Variants in ZFAND5 observed in about 807,000 individuals in gnomAD.
The protein encoded by ZFAND5 is AN1-type zinc finger protein 5.
Under a neutral mutation model 23.6 loss-of-function variants are expected in ZFAND5, and 4 were observed. The ratio of observed to expected loss-of-function variants is 0.17; its 90% confidence interval spans 0.08 to 0.39. The LOEUF (loss-of-function observed/expected upper bound fraction) is 0.39. Among genes scored for constraint, ZFAND5 ranks in the 10% least tolerant of loss-of-function variants. The probability of loss-of-function intolerance (pLI) is 1.00; values close to 1 mark genes in which losing one functional copy is unlikely to be tolerated. For missense variants in ZFAND5, 161 were observed against 253.7 expected, an observed-to-expected ratio of 0.63 and a Z score of 2.48; for synonymous variants, 68 against 80.6, an observed-to-expected ratio of 0.84 and a Z score of 0.84.
In ZFAND5 at chr9:72,364,501, T is replaced by G. The variant is rs1273961683; in HGVS notation, c.-147+195A>C. Reference sequence around the variant, plus strand: ...AGCCAGGGACGCCGGGAGCCAGGTCTCGGGCCACGACGACAGGATGACGCC... The same window carrying G: ...AGCCAGGGACGCCGGGAGCCAGGTCGCGGGCCACGACGACAGGATGACGCC... On this transcript the variant is annotated intron_variant, in intron 1 of 6. Coordinates refer to ENST00000376962, the MANE Select transcript of ZFAND5 (RefSeq NM_001102420.3). The G allele has an allele frequency of 5.5e-6, 7 of 1,281,468 alleles. No homozygotes were observed. In the Admixed American group the frequency reaches 1.2e-4, roughly 21 times the overall value. The allele number at this position is 1,281,468 out of a possible 1,614,324, so 79.4% of individuals were successfully genotyped here.
Position 72,353,568 on chromosome 9 carries a change from G to A in ZFAND5, c.*2385C>T, listed in dbSNP as rs1841842280. The stretch of plus-strand genomic sequence containing the variant: ...TGGTGCCTGTGATCCCAGCTACTTA[G>A]GAGGCAGAGGCAGGAGAATCACTTG... On this transcript the variant is annotated 3_prime_UTR_variant, in exon 7 of 7. Coordinates refer to ENST00000376962, the MANE Select transcript of ZFAND5 (RefSeq NM_001102420.3). 6.6e-6 allele frequency: 1 copy of A among 152,246 alleles called. No homozygotes were observed. Among genetic ancestry groups the A allele is most frequent in the Non-Finnish European group, 1.5e-5 (1 of 68,116 alleles). The allele number at this position is 152,246 out of a possible 1,614,324, so 9.4% of individuals were successfully genotyped here. A position where few individuals can be genotyped will look rare whatever the true frequency, so the allele number is the denominator to read the frequency against.
At chr9:72,358,161 A>C (rs1431828731) in intron 5 of ZFAND5, among the ~76,000 whole-genome samples, 1 of 152,132 alleles carries the variant, frequency 6.6e-6, no homozygotes, top group African/African-American at 2.4e-5. Context: ...CAAATTTATA[A>C]TTCAATTGCA....
chr9:72,362,625 G>A (rs756691074), intron 2 of ZFAND5, among the ~76,000 whole-genome samples: 8 of 152,182 alleles, frequency 5.3e-5, no homozygotes, highest in African/African-American at 1.7e-4. Flanking sequence ...TTGCTTCAGA[G>A]AACATGTCTA....
chr9:72,357,820 C>T (rs371240198), intron 5 of ZFAND5, among the ~76,000 whole-genome samples: 16 of 152,168 alleles, frequency 1.1e-4, no homozygotes, highest in African/African-American at 3.9e-4. Flanking sequence ...ACCGTTTCTC[C>T]ACCTAAAAAG....
chr9:72,363,715 C>G (rs1222364842), intron 1 of ZFAND5, 109 bp from the exon 2 acceptor site: 27 of 868,208 alleles, frequency 3.1e-5, no homozygotes, highest in Non-Finnish European at 3.6e-5. Context: ...AGTATTTTCA[C>G]CAACTGAGTT....
chr9:72,356,433 C>A (rs898395499), intron 6 of ZFAND5, among the ~76,000 whole-genome samples: 1 of 152,170 alleles, frequency 6.6e-6, no homozygotes, highest in Admixed American at 6.5e-5. Context: ...TAATTTCTCC[C>A]AGATGCTCTC....
intron 1 of ZFAND5, chr9:72,364,381 C>T: frequency 8.5e-7 from 1 of 1,170,366 alleles, no homozygotes; most frequent in Non-Finnish European, 1.1e-6. Context: ...GGTCGTGGTG[C>T]CCACGCCGGG....
Position 72,355,228 on chromosome 9 carries a change from C to T in ZFAND5, c.*725G>A, listed in dbSNP as rs1003267620. The T allele has an allele frequency of 6.6e-6, 1 of 152,648 alleles. No individual in the cohort carries two copies. Among genetic ancestry groups the T allele is most frequent in the Non-Finnish European group, 1.5e-5 (1 of 68,036 alleles). 9.5% of individuals were successfully genotyped at this position (152,648 alleles called of 1,614,324 possible). ...TTAATCCTAGTGCAGTTCTGTGCTA[C>T]ACATTTTTAGCAATGAGTAATGCAG... is the stretch of plus-strand genomic sequence containing the variant. On this transcript the variant is annotated 3_prime_UTR_variant, in exon 7 of 7. Transcript: ENST00000376962.
At chr9:72,363,285 C>T (rs996503795) in intron 2 of ZFAND5, among the ~76,000 whole-genome samples, 185 bp downstream of exon 2, 3 of 152,206 alleles carry the variant, frequency 2.0e-5, no homozygotes, top group Admixed American at 6.5e-5. Context: ...TCAGCTCTAT[C>T]AGGTATAGCT....
chr9:72,364,609 T>A (rs1359509146), intron 1 of ZFAND5, 87 bp downstream of exon 1: 1 of 1,210,162 alleles, frequency 8.3e-7, no homozygotes, highest in Non-Finnish European at 1.0e-6. Context: ...GCTTCGCCAT[T>A]GGCCCGCGGC....
chr9:72,353,347 G>T lies in ZFAND5; in HGVS notation c.*2606C>A, dbSNP rs577850373. 6.6e-6 allele frequency: 1 copy of T among 151,352 alleles called. No individual in the cohort carries two copies. The highest frequency in any genetic ancestry group is 2.1e-4 in the South Asian group (1 of 4,762). 9.4% of individuals were successfully genotyped at this position (151,352 alleles called of 1,614,324 possible). A position where few individuals can be genotyped will look rare whatever the true frequency, so the allele number is the denominator to read the frequency against. On this transcript the variant is annotated 3_prime_UTR_variant, in exon 7 of 7. Transcript: ENST00000376962. ...AATCTTTGTTCTGATCTGGTTTAAT[G>T]TTTCTTGTAAAACAAACAAACAAAA...
intron 1 of ZFAND5, chr9:72,364,494 C>G: frequency 7.8e-7 from 1 of 1,281,978 alleles, no homozygotes; most frequent in Non-Finnish European, 1.0e-6. Context: ...ACGCCGGGAG[C>G]CAGGTCTCGG....
Position 72,358,363 on chromosome 9 carries a change from G to A in ZFAND5, c.367+1055C>T, listed in dbSNP as rs116432032. Among the ~76,000 whole-genome samples the A allele has an allele frequency of 4.1e-3, 626 of 152,068 alleles. 2 individuals are homozygous for A. Among genetic ancestry groups the A allele is most frequent in the African/African-American group, 0.014 (586 of 41,512 alleles). Reference sequence around the variant, plus strand: ...TGGCCACATCTGAAAAATGAACTACGGCTCCTGAGACAAGGGAAGAAGGGG... The same window carrying A: ...TGGCCACATCTGAAAAATGAACTACAGCTCCTGAGACAAGGGAAGAAGGGG... On this transcript the variant is annotated intron_variant, in intron 5 of 6. Transcript: ENST00000376962.
rs757001777 is a variant in ZFAND5 at position 72,360,836 on chromosome 9, G to A, written c.-9-49C>T. On this transcript the variant is annotated intron_variant, in intron 2 of 6. Coordinates refer to ENST00000376962, the MANE Select transcript of ZFAND5 (RefSeq NM_001102420.3). ...AAATTAGTGTTATCACCAAAATATAGTCTAATATAATCATCGGTATACCGT... is the reference window on the plus strand; with the variant it reads ...AAATTAGTGTTATCACCAAAATATAATCTAATATAATCATCGGTATACCGT... 9 of 1,526,120 alleles carry A rather than the reference G, an allele frequency of 5.9e-6. No homozygotes were observed. The East Asian group carries it at 2.1e-4, about 35-fold the overall frequency. The allele number at this position is 1,526,120 out of a possible 1,614,324, so 94.5% of individuals were successfully genotyped here.
chr9:72,364,556 C>A lies in ZFAND5; in HGVS notation c.-147+140G>T, dbSNP rs548275885. 28 of 1,270,580 alleles carry A rather than the reference C, an allele frequency of 2.2e-5. No homozygotes were observed. The East Asian group carries it at 1.7e-3, about 78-fold the overall frequency. The allele number at this position is 1,270,580 out of a possible 1,614,324, so 78.7% of individuals were successfully genotyped here. ...TCTTTGTGCTTCCTGGGCTGGCGGG[C>A]GGGCTCCCCTCCCCCGGACGCCGCC... On this transcript the variant is annotated intron_variant, in intron 1 of 6. Coordinates refer to ENST00000376962, the MANE Select transcript of ZFAND5 (RefSeq NM_001102420.3).
chr9:72,362,928 C>CTT (rs1842147253), intron 2 of ZFAND5, among the ~76,000 whole-genome samples: 1 of 152,144 alleles, frequency 6.6e-6, no homozygotes, highest in African/African-American at 2.4e-5. Context: ...TATCTCAAAG[C>CTT]CTGCCAACTC....
rs1841837702 is a variant in ZFAND5, at chr9:72,353,483, C to G, written c.*2470G>C. On this transcript the variant is annotated 3_prime_UTR_variant, in exon 7 of 7. Transcript: ENST00000376962. ...CTGAGGTCAGGAGTTCAAGACCAGC[C>G]TGACCAACATGGAGAAACTGTCTCT... 6.6e-6 allele frequency: 1 copy of G among 152,264 alleles called. No individual in the cohort carries two copies. The highest frequency in any genetic ancestry group is 1.5e-5 in the Non-Finnish European group (1 of 68,090). 9.4% of individuals were successfully genotyped at this position (152,264 alleles called of 1,614,324 possible).
chr9:72,364,705 T>G lies in ZFAND5; in HGVS notation c.-156A>C, dbSNP rs1587884897. ...GCCCCGTATCACTCACCCTGCAGGGTCCCAAATGCGAAAGCCGGGTTCGCG... is the reference window on the plus strand; with the variant it reads ...GCCCCGTATCACTCACCCTGCAGGGGCCCAAATGCGAAAGCCGGGTTCGCG... On this transcript the variant is annotated 5_prime_UTR_variant, in exon 1 of 7. Transcript: ENST00000376962. 3.3e-6 allele frequency: 3 copies of G among 904,760 alleles called. No individual in the cohort carries two copies. The highest frequency in any genetic ancestry group is 1.9e-5 in the African/African-American group (1 of 53,898). 56.0% of individuals were successfully genotyped at this position (904,760 alleles called of 1,614,324 possible). A position where few individuals can be genotyped will look rare whatever the true frequency, so the allele number is the denominator to read the frequency against.
At position 72,352,097 on chromosome 9, in the gene ZFAND5, A is replaced by G. The variant is rs1208616462; in HGVS notation, c.*3856T>C. ...ATCATGAGGTCAGGAGATCGAGACC[A>G]CCCTGGCTAACACGGTGAAACCCTC... On this transcript the variant is annotated 3_prime_UTR_variant, in exon 7 of 7. Transcript: ENST00000376962. The G allele has an allele frequency of 6.6e-6, 1 of 152,234 alleles. No homozygotes were observed. The highest frequency in any genetic ancestry group is 1.5e-5 in the Non-Finnish European group (1 of 68,100). 9.4% of individuals were successfully genotyped at this position (152,234 alleles called of 1,614,324 possible).
Sources: gnomAD v4.1 joint callset for allele counts (sites outside exome capture counted in the v4.1 genomes callset) on GRCh38, gnomAD v4.1.1 for gene constraint, MANE v1.5 for transcripts, NCBI Gene and HGNC (gene_info 2026-07-23, HGNC 2026-07-21) for gene names.